The following TAOK3 variants were observed in gnomAD, a reference collection of about 807,000 sequenced individuals.
The protein encoded by TAOK3 is TAO kinase 3.
Under a neutral mutation model 120.4 loss-of-function variants are expected in TAOK3, and 40 were observed. The ratio of observed to expected loss-of-function variants is 0.33; its 90% CI spans 0.26 to 0.43. The LOEUF is 0.43. Ranked by LOEUF, TAOK3 falls within the 20% of genes least tolerant of loss-of-function variation. The pLI, the probability that TAOK3 is intolerant of heterozygous loss-of-function variation, is 1.00. For missense variants in TAOK3, 821 were observed against 1,112.1 expected (o/e 0.74, Z 3.72); for synonymous variants, 355 against 387.5 (o/e 0.92, Z 0.99).
At chr12:118,248,511 A>G (rs992571653) in intron 3 of TAOK3, among the ~76,000 whole-genome samples, 44 of 152,166 alleles carry the variant, frequency 2.9e-4, no homozygotes, top group Non-Finnish European at 5.3e-4. Flanking sequence ...ACTATATCTG[A>G]AAAGTAGATA....
chr12:118,244,254 G>T (rs1036330306), intron 4 of TAOK3, among the ~76,000 whole-genome samples: 12 of 151,700 alleles, frequency 7.9e-5, no homozygotes, highest in African/African-American at 2.9e-4. Context: ...GTAGAGGTGG[G>T]GTCTCACCAT....
chr12:118,217,074 T>C (rs2038944680), intron 9 of TAOK3, among the ~76,000 whole-genome samples: 1 of 152,224 alleles, frequency 6.6e-6, no homozygotes, highest in Admixed American at 6.5e-5. Context: ...TCAGAGCACC[T>C]TAGTTTTTAA....
intron 13 of TAOK3, 90 bp from the exon 14 acceptor site, chr12:118,190,031 C>T: frequency 6.5e-7 from 1 of 1,544,870 alleles, no homozygotes; most frequent in East Asian, 2.3e-5. Context: ...TGCACAAGCA[C>T]TGCTGTTTGA....
rs1336819872 is a variant in TAOK3, at chr12:118,160,820, C to G, written c.2140-462G>C. Among the ~76,000 whole-genome samples the G allele has an allele frequency of 6.6e-6, 1 of 152,052 alleles. No homozygotes were observed. The highest frequency in any genetic ancestry group is 1.5e-5 in the Non-Finnish European group (1 of 68,004). On this transcript the variant is annotated intron_variant, in intron 18 of 20. Coordinates refer to ENST00000392533, the MANE Select transcript of TAOK3 (RefSeq NM_016281.4). This position sits in a 1 kb window ranked among gnomAD's most constrained non-coding sequence, Gnocchi z 4.2. ...ATTATATAAGCCAGCTCTCACTGCT[C>G]TGGTTTATAGCAATTTCTTATCAAC...
intron 19 of TAOK3, among the ~76,000 whole-genome samples, chr12:118,156,311 C>T (rs1344576918): frequency 6.6e-6 from 1 of 152,116 alleles, no homozygotes; most frequent in African/African-American, 2.4e-5. Flanking sequence ...CTGACTGCCC[C>T]TTCCTTCTTG....
chr12:118,361,734 C>A (rs897620008), intron 1 of TAOK3, among the ~76,000 whole-genome samples: 1 of 152,092 alleles, frequency 6.6e-6, no homozygotes, highest in African/African-American at 2.4e-5. Flanking sequence ...GGTGGGATTA[C>A]AGGTGTGAGC....
intron 3 of TAOK3, chr12:118,246,106 C>T (rs1402636625): frequency 9.2e-6 from 12 of 1,306,468 alleles, no homozygotes; most frequent in South Asian, 8.3e-5. Context: ...GCCGGTGCAG[C>T]GGGGGGGCAC....
chr12:118,171,221 C>A (rs1425771295), intron 17 of TAOK3, among the ~76,000 whole-genome samples: 1 of 152,220 alleles, frequency 6.6e-6, no homozygotes, highest in Non-Finnish European at 1.5e-5. Context: ...TAAGAAATGT[C>A]ACTCAGATCT....
chr12:118,239,192 A>C (rs2040140579), intron 6 of TAOK3, 35 bp downstream of exon 6: 2 of 1,392,520 alleles, frequency 1.4e-6, no homozygotes. Flanking sequence ...GATCAAAGTA[A>C]AACAGAAAGG....
intron 1 of TAOK3, among the ~76,000 whole-genome samples, chr12:118,370,986 A>T (rs1207513806): frequency 3.3e-5 from 5 of 152,200 alleles, no homozygotes; most frequent in African/African-American, 9.7e-5. Flanking sequence ...TGCGACTCCA[A>T]AACCTCTTTT....
chr12:118,202,773 CTTTTT>C (rs58282262), intron 11 of TAOK3, among the ~76,000 whole-genome samples: 2 of 100,636 alleles, frequency 2.0e-5, no homozygotes, highest in African/African-American at 8.2e-5. Context: ...ATAGTCTATT[CTTTTT>C]TTTTTTTTTT....
intron 1 of TAOK3, among the ~76,000 whole-genome samples, chr12:118,341,297 G>A (rs1180774327): frequency 6.6e-6 from 1 of 151,870 alleles, no homozygotes; most frequent in Non-Finnish European, 1.5e-5. Context: ...CACAGCACCA[G>A]CCTAAATTTT....
chr12:118,177,150 T>G lies in TAOK3; in HGVS notation c.1695+51A>C, dbSNP rs2036394730. 1.9e-6 allele frequency: 3 copies of G among 1,584,150 alleles called. No homozygotes were observed. In the East Asian group the frequency reaches 6.7e-5, roughly 36 times the overall value. ...CAATGCAAGATGAGTGAATGTTAAG[T>G]TCCAACCATTCTAATGGCAACTTGG... On this transcript the variant is annotated intron_variant, in intron 16 of 20. Transcript: ENST00000392533.
chr12:118,206,306 G>A (rs2038307986), intron 11 of TAOK3, among the ~76,000 whole-genome samples: 1 of 152,206 alleles, frequency 6.6e-6, no homozygotes, highest in Admixed American at 6.5e-5. Flanking sequence ...CTTTTCCAAT[G>A]TCCTGGACTT....
chr12:118,247,002 G>GAA, intron 3 of TAOK3: 1 of 905,550 alleles, frequency 1.1e-6, no homozygotes, highest in Non-Finnish European at 1.6e-6. Context: ...AATTAAGCGT[G>GAA]AAAAAAAAAT....
chr12:118,325,716 C>G (rs2043908794), intron 1 of TAOK3, among the ~76,000 whole-genome samples: 1 of 152,050 alleles, frequency 6.6e-6, no homozygotes, highest in African/African-American at 2.4e-5. Flanking sequence ...GTCTCGCTGT[C>G]TCGCCCAGGC....
At chr12:118,322,890 T>G (rs2043781245) in intron 1 of TAOK3, among the ~76,000 whole-genome samples, 1 of 151,842 alleles carries the variant, frequency 6.6e-6, no homozygotes, top group Non-Finnish European at 1.5e-5. Context: ...TTTTGTATTT[T>G]CAATAGAGAC....
intron 1 of TAOK3, among the ~76,000 whole-genome samples, chr12:118,334,676 C>A (rs936803009): frequency 6.6e-6 from 1 of 151,438 alleles, no homozygotes; most frequent in Non-Finnish European, 1.5e-5. Context: ...AAGTTTGAGA[C>A]CAGCCTGGCC....
At chr12:118,176,955 C>T (rs139665777) in intron 16 of TAOK3, among the ~76,000 whole-genome samples, 4,835 of 152,040 alleles carry the variant, frequency 0.032, 248 homozygotes, top group East Asian at 0.23. Context: ...TTAGTAGAGA[C>T]GAGGTTTCAC....
Sources: allele counts gnomAD v4.1 joint callset (sites outside exome capture counted in the v4.1 genomes callset), GRCh38; gene constraint gnomAD v4.1.1; non-coding constraint Gnocchi (gnomAD v3.1); transcripts MANE v1.5; gene names NCBI Gene and HGNC (gene_info 2026-07-23, HGNC 2026-07-21).